Variants in DHTKD1 observed in about 807,000 individuals in gnomAD.
The protein encoded by DHTKD1 is dehydrogenase E1 and transketolase domain containing 1.
A neutral mutation model predicts 101.8 loss-of-function variants in DHTKD1; 78 were observed. The observed-to-expected ratio is 0.77, with a 90% CI of 0.64 to 0.93. The LOEUF is 0.93. Ranked by LOEUF, DHTKD1 falls within the 40% of genes least tolerant of loss-of-function variation. The pLI, the probability that DHTKD1 is intolerant of heterozygous loss-of-function variation, is 0.00. For missense variants in DHTKD1, 1,223 were observed against 1,161.7 expected (o/e 1.05, Z -0.77); for synonymous variants, 462 against 450.3 (o/e 1.03, Z -0.33).
intron 4 of DHTKD1, among the ~76,000 whole-genome samples, chr10:12,088,227 G>A (rs931995628): frequency 2.6e-5 from 4 of 152,160 alleles, no homozygotes; most frequent in African/African-American, 9.6e-5. Flanking sequence ...GGAGGCTAAG[G>A]CAAGAGGAGT....
Position 12,097,946 on chromosome 10 carries a change from G to A in DHTKD1, c.1621G>A (p.Val541Met). The change falls in exon 8 of 17, where the codon GTG (valine) becomes ATG (methionine). Residue 541 changes from valine (V) to methionine (M), a missense_variant. By Grantham distance (21) the Val-to-Met change is conservative. Transcript: ENST00000263035. The stretch of plus-strand genomic sequence containing the variant: ...GTTTGTTGGCATGAAGTCTGTAGAG[G>A]TGCCAAGAGAGCTGCAGATGCACAG... ...LRFVGMKSVE[V>M]PRELQMHSHL... 1 of 1,614,024 alleles carries A rather than the reference G, an allele frequency of 6.2e-7. No individual in the cohort carries two copies. The highest frequency in any genetic ancestry group is 8.5e-7 in the Non-Finnish European group (1 of 1,179,924).
chr10:12,076,336 T>C (rs1436860450), intron 1 of DHTKD1, among the ~76,000 whole-genome samples: 4 of 152,142 alleles, frequency 2.6e-5, no homozygotes, highest in Non-Finnish European at 5.9e-5. Flanking sequence ...ATTAGCTGGA[T>C]GTGGTGGCAC....
rs866376447 is a variant in DHTKD1, at chr10:12,120,118, T to C, written c.2573-64T>C. ...GAAAACTCCATCGTAGGTGGGATCA[T>C]AGTAAATTGGGGACCGTCTGCATGT... On this transcript the variant is annotated intron_variant, in intron 15 of 16. Transcript: ENST00000263035. 6.5e-6 allele frequency: 8 copies of C among 1,233,336 alleles called. No homozygotes were observed. In the Middle Eastern group the frequency reaches 5.7e-4, roughly 88 times the overall value. The allele number at this position is 1,233,336 out of a possible 1,614,324, so 76.4% of individuals were successfully genotyped here. A position where few individuals can be genotyped will look rare whatever the true frequency, so the allele number is the denominator to read the frequency against.
intron 7 of DHTKD1, among the ~76,000 whole-genome samples, chr10:12,094,866 C>T (rs1833045016): frequency 1.3e-5 from 2 of 151,410 alleles, no homozygotes; most frequent in South Asian, 4.2e-4. Flanking sequence ...GTCTCAAACT[C>T]CCGGTCTCAA....
chr10:12,082,422 AC>A (rs879538195), intron 2 of DHTKD1, among the ~76,000 whole-genome samples: 18 of 152,082 alleles, frequency 1.2e-4, no homozygotes, highest in Admixed American at 3.3e-4. Context: ...ACCTCATGTT[AC>A]TTTTTGAAGT....
intron 1 of DHTKD1, among the ~76,000 whole-genome samples, chr10:12,078,958 A>G (rs1409008786): frequency 6.6e-6 from 1 of 152,174 alleles, no homozygotes; most frequent in Admixed American, 6.6e-5. Context: ...CTGGTTTGCA[A>G]TGGGAATGGA....
rs1453768348 is a variant in DHTKD1 at position 12,107,862 on chromosome 10, T to C, written c.2048-47T>C. 2 of 1,337,876 alleles carry C rather than the reference T, an allele frequency of 1.5e-6. No homozygotes were observed. Among genetic ancestry groups the C allele is most frequent in the Admixed American group, 3.6e-5 (2 of 55,210 alleles). The allele number at this position is 1,337,876 out of a possible 1,614,324, so 82.9% of individuals were successfully genotyped here. A position where few individuals can be genotyped will look rare whatever the true frequency, so the allele number is the denominator to read the frequency against. ...CCAGCTGAGTCGTGTCAGGCCACTT[T>C]GTCCCCGCTTCGTAGAGCTCTTACT... On this transcript the variant is annotated intron_variant, in intron 11 of 16. Coordinates refer to ENST00000263035, the MANE Select transcript of DHTKD1 (RefSeq NM_018706.7). This position sits in a 1 kb window ranked among gnomAD's most constrained non-coding sequence, Gnocchi z 4.1.
intron 8 of DHTKD1, among the ~76,000 whole-genome samples, chr10:12,099,882 C>T (rs949620404): frequency 4.0e-5 from 6 of 150,996 alleles, no homozygotes; most frequent in South Asian, 2.1e-4. Flanking sequence ...CTGCAACCTC[C>T]GCCTCTCAGG....
chr10:12,081,367 A>G (rs1832813445), intron 1 of DHTKD1, 105 bp from the exon 2 acceptor site: 1 of 885,486 alleles, frequency 1.1e-6, no homozygotes. Flanking sequence ...AAATAAATAA[A>G]AAGTAAGGTG....
chr10:12,117,693 A>G lies in DHTKD1; in HGVS notation c.2340A>G (p.Gln780=), dbSNP rs149564288. Residue 780 remains glutamine (Q), a synonymous_variant, in exon 14 of 17, where the codon CAA becomes CAG. Coordinates refer to ENST00000263035, the MANE Select transcript of DHTKD1 (RefSeq NM_018706.7). ...CGTAGGCAGCCGTGTCAACTCTTCA[A>G]GAAATGGCACCAGGAACAACATTTA... The part of the protein sequence containing the change: ...LRLPAAVSTL[Q]EMAPGTTFNP... 298 of 1,607,056 alleles carry G rather than the reference A, an allele frequency of 1.9e-4. 2 individuals carry two copies. The African/African-American group carries it at 3.4e-3, about 18-fold the overall frequency.
chr10:12,085,825 T>C (rs1417485423), intron 3 of DHTKD1, among the ~76,000 whole-genome samples: 1 of 149,730 alleles, frequency 6.7e-6, no homozygotes, highest in Non-Finnish European at 1.5e-5. Context: ...AGGCGGAGGT[T>C]GCAGCGAGCC....
chr10:12,094,398 A>G (rs992114751), intron 7 of DHTKD1, 127 bp downstream of exon 7: 9 of 797,368 alleles, frequency 1.1e-5, no homozygotes, highest in African/African-American at 1.7e-5. Context: ...GCTCACTGCC[A>G]TCTCCACCTC....
chr10:12,119,467 T>G (rs1446711813), intron 15 of DHTKD1, among the ~76,000 whole-genome samples: 1 of 148,510 alleles, frequency 6.7e-6, no homozygotes, highest in Non-Finnish European at 1.5e-5. Context: ...TACAAAAAAA[T>G]TAGCCGGGCG....
At chr10:12,097,622 C>A (rs1588612168) in intron 7 of DHTKD1, 62 bp from the exon 8 acceptor site, 1 of 1,443,210 alleles carries the variant, frequency 6.9e-7, no homozygotes, top group Admixed American at 2.0e-5. Context: ...CAGTGACTCT[C>A]CTTGTCTCTA....
At chr10:12,086,134 C>G (rs951342574) in intron 3 of DHTKD1, among the ~76,000 whole-genome samples, 3 of 151,270 alleles carry the variant, frequency 2.0e-5, no homozygotes, top group Non-Finnish European at 4.4e-5. Context: ...TCCCAAAATG[C>G]TAGGATTACA....
At chr10:12,080,538 C>A (rs1313047790) in intron 1 of DHTKD1, among the ~76,000 whole-genome samples, 3 of 150,234 alleles carry the variant, frequency 2.0e-5, no homozygotes, top group Non-Finnish European at 4.4e-5. Context: ...AGTGAAACCC[C>A]ATCTCTGCTA....
At chr10:12,080,189 A>G (rs1832791952) in intron 1 of DHTKD1, among the ~76,000 whole-genome samples, 1 of 151,444 alleles carries the variant, frequency 6.6e-6, no homozygotes, top group Admixed American at 6.6e-5. Context: ...AGTCCCAGCT[A>G]CTCAGGAGGC....
chr10:12,094,790 T>A (rs1418079228), intron 7 of DHTKD1, among the ~76,000 whole-genome samples: 1 of 152,060 alleles, frequency 6.6e-6, no homozygotes, highest in African/African-American at 2.4e-5. Flanking sequence ...CAGGTATGCA[T>A]CACCACGCCT....
intron 1 of DHTKD1, among the ~76,000 whole-genome samples, chr10:12,075,466 T>A (rs569631604): frequency 6.6e-6 from 1 of 152,188 alleles, no homozygotes; most frequent in Non-Finnish European, 1.5e-5. Flanking sequence ...GGTCTCGATC[T>A]CCTGACCTTG....
Sources: allele counts gnomAD v4.1 joint callset (sites outside exome capture counted in the v4.1 genomes callset), GRCh38; gene constraint gnomAD v4.1.1; non-coding constraint Gnocchi (gnomAD v3.1); transcripts MANE v1.5; gene names NCBI Gene and HGNC (gene_info 2026-07-23, HGNC 2026-07-21).